Variants in COQ8B observed in about 807,000 individuals in gnomAD.
COQ8B encodes coenzyme Q8B.
Under a neutral mutation model 62.0 loss-of-function variants are expected in COQ8B, and 44 were observed. The ratio of observed to expected loss-of-function variants is 0.71; its 90% CI spans 0.56 to 0.91. The LOEUF (loss-of-function observed/expected upper bound fraction) is 0.91, where lower values mean the gene tolerates loss of function less well. Among genes scored for constraint, COQ8B ranks in the 40% least tolerant of loss-of-function variants. The probability of loss-of-function intolerance (pLI) is 0.00; values close to 1 mark genes in which losing one functional copy is unlikely to be tolerated. For missense variants in COQ8B, 649 were observed against 731.6 expected, an observed-to-expected ratio of 0.89 and a Z score of 1.30; for synonymous variants, 252 against 289.9, an observed-to-expected ratio of 0.87 and a Z score of 1.33.
At position 40,705,110 on chromosome 19, in the gene COQ8B, G is replaced by A. The variant is rs758303807; in HGVS notation, c.562C>T (p.Arg188Cys). The A allele has an allele frequency of 3.0e-5, 48 of 1,610,048 alleles. No individual in the cohort carries two copies. Among genetic ancestry groups the A allele is most frequent in the African/African-American group, 8.0e-5 (6 of 74,878 alleles). The change falls in exon 7 of 15, where the codon CGC (arginine) becomes TGC (cysteine). Residue 188 changes from arginine to cysteine, a missense_variant. Coordinates refer to ENST00000324464, the MANE Select transcript of COQ8B (RefSeq NM_024876.4). ...TGGGCACTCACCAGCATCTGCCAGC[G>A]GGGCATGAAGTCGGCGCTCTGGCGG... The part of the protein sequence containing the change: ...RVRQSADFMP[R>C]WQMLRVLEEE...
chr19:40,695,326 A>AAAG (rs1555755673), intron 13 of COQ8B, among the ~76,000 whole-genome samples: 45 of 141,866 alleles, frequency 3.2e-4, no homozygotes, highest in Non-Finnish European at 5.9e-4. Context: ...TCAATTAAAA[A>AAAG]AAAAAAAAAG....
chr19:40,693,450 C>T (rs1285680103), intron 13 of COQ8B, among the ~76,000 whole-genome samples: 1 of 152,210 alleles, frequency 6.6e-6, no homozygotes, highest in East Asian at 1.9e-4. Flanking sequence ...GAGCAAGGAT[C>T]CCAGTTGGGT....
chr19:40,693,177 T>C (rs760774926), intron 13 of COQ8B, 140 bp from the exon 14 acceptor site: 1 of 663,830 alleles, frequency 1.5e-6, no homozygotes. Context: ...GGAAGCTTCC[T>C]GCTCCCAACT....
intron 12 of COQ8B, 130 bp downstream of exon 12, chr19:40,699,937 C>T (rs2082048182): frequency 1.2e-6 from 1 of 815,014 alleles, no homozygotes; most frequent in Admixed American, 2.4e-5. Flanking sequence ...GTCCCTGAAT[C>T]CCACTTGGAA....
intron 9 of COQ8B, chr19:40,703,288 C>T: frequency 2.0e-6 from 1 of 502,372 alleles, no homozygotes; most frequent in South Asian, 2.7e-5. Flanking sequence ...TGCACACCCT[C>T]TGAGAGTCTG....
At chr19:40,712,369 T>C (rs2144715968) in intron 4 of COQ8B, among the ~76,000 whole-genome samples, 1 of 144,242 alleles carries the variant, frequency 6.9e-6, no homozygotes, top group East Asian at 2.0e-4. Context: ...GGTCAGGAGA[T>C]CGAGACCATC....
At chr19:40,715,180 TTTC>T (rs1374962587) in intron 1 of COQ8B, 1 of 985,334 alleles carries the variant, frequency 1.0e-6, no homozygotes, top group East Asian at 1.1e-4. Flanking sequence ...TGGCACGGAG[TTTC>T]TCCATCTGTG....
chr19:40,699,997 GCTA>G (rs1255084650), intron 12 of COQ8B, 67 bp downstream of exon 12: 5 of 1,438,272 alleles, frequency 3.5e-6, no homozygotes, highest in Non-Finnish European at 2.9e-6. Context: ...ATTTTGTTGA[GCTA>G]CCGAAATATC....
chr19:40,703,686 C>T (rs1220983632), intron 8 of COQ8B, 29 bp downstream of exon 8: 2 of 1,614,036 alleles, frequency 1.2e-6, no homozygotes, highest in Non-Finnish European at 8.5e-7. Context: ...AGGGTGCCCG[C>T]CCCTACCCTG....
chr19:40,696,077 G>A, intron 12 of COQ8B, 23 bp from the exon 13 acceptor site: 1 of 1,612,472 alleles, frequency 6.2e-7, no homozygotes, highest in Non-Finnish European at 8.5e-7. Flanking sequence ...AATGGTGAAA[G>A]GAATGCTGGG....
Position 40,714,578 on chromosome 19 carries a change from T to C in COQ8B, c.55A>G (p.Thr19Ala). Reference protein sequence around the residue: ...LRGTGGQLGQTVGWPCGALGP... With the variant: ...LRGTGGQLGQAVGWPCGALGP... ...AGGGCCCCACAAGGCCAACCAACAG[T>C]CTGGCCCAGCTGTCCACCGGTCCCC... Residue 19 changes from threonine to alanine, a missense_variant, in exon 2 of 15, where the codon ACT becomes GCT. By Grantham distance (58) the Thr-to-Ala change is moderately conservative. Transcript: ENST00000324464. 6.2e-7 allele frequency: 1 copy of C among 1,613,384 alleles called. No homozygotes were observed. Among genetic ancestry groups the C allele is most frequent in the South Asian group, 1.1e-5 (1 of 90,966 alleles).
At chr19:40,702,824 T>A in intron 9 of COQ8B, 131 bp from the exon 10 acceptor site, 1 of 775,520 alleles carries the variant, frequency 1.3e-6, no homozygotes, top group South Asian at 1.5e-5. Flanking sequence ...GTGACCCACA[T>A]CTGTCCCTCT....
At chr19:40,701,854 C>T (rs1402857011) in intron 10 of COQ8B, among the ~76,000 whole-genome samples, 1 of 152,186 alleles carries the variant, frequency 6.6e-6, no homozygotes, top group Non-Finnish European at 1.5e-5. Context: ...AATGTGTGAG[C>T]CACACTGTGG....
At position 40,700,423 on chromosome 19, in the gene COQ8B, G is replaced by A. The variant is rs572681951; in HGVS notation, c.922C>T (p.Arg308Trp). 2.3e-5 allele frequency: 37 copies of A among 1,613,856 alleles called. No individual in the cohort carries two copies. The East Asian group carries it at 6.0e-4, about 26-fold the overall frequency. The change falls in exon 11 of 15, where the codon CGG becomes TGG. Residue 308 changes from arginine to tryptophan, a missense_variant. Coordinates refer to ENST00000324464, the MANE Select transcript of COQ8B (RefSeq NM_024876.4). The stretch of plus-strand genomic sequence containing the variant: ...AGCTCCTTAACCACGGCTGGGACCC[G>A]GAAGAAGGGGTCATTTGCCAGCAGC... ...RQLLANDPFF[R>W]VPAVVKELCT...
chr19:40,714,749 A>C, intron 1 of COQ8B, 114 bp from the exon 2 acceptor site: 1 of 1,302,786 alleles, frequency 7.7e-7, no homozygotes, highest in Non-Finnish European at 1.0e-6. Flanking sequence ...TACTTCCTCC[A>C]CTATTAATAG....
intron 12 of COQ8B, among the ~76,000 whole-genome samples, chr19:40,699,494 G>A (rs1285212822): frequency 6.6e-6 from 1 of 152,110 alleles, no homozygotes; most frequent in African/African-American, 2.4e-5. Flanking sequence ...CCCCCCACTG[G>A]ACTGGGCACT....
At chr19:40,713,757 A>C (rs2082161770) in intron 4 of COQ8B, among the ~76,000 whole-genome samples, 1 of 148,422 alleles carries the variant, frequency 6.7e-6, no homozygotes. Context: ...GATGGTGCAC[A>C]ACTGTGGTCC....
intron 4 of COQ8B, among the ~76,000 whole-genome samples, chr19:40,711,016 A>G (rs935258196): frequency 6.6e-6 from 1 of 151,802 alleles, no homozygotes; most frequent in Non-Finnish European, 1.5e-5. Context: ...CTGTAATCCC[A>G]GCTACTCAAG....
At chr19:40,710,870 GC>G (rs2082135617) in intron 4 of COQ8B, among the ~76,000 whole-genome samples, 3 of 152,228 alleles carry the variant, frequency 2.0e-5, no homozygotes, top group Middle Eastern at 3.4e-3. Flanking sequence ...AGTGGCTCAT[GC>G]CTATGATCCC....
Sources: gnomAD v4.1 joint callset for allele counts (sites outside exome capture counted in the v4.1 genomes callset) on GRCh38, gnomAD v4.1.1 for gene constraint, MANE v1.5 for transcripts, NCBI Gene and HGNC (gene_info 2026-07-23, HGNC 2026-07-21) for gene names.